The following UGGT2 variants were observed in gnomAD, a reference collection of about 807,000 sequenced individuals.
UGGT2 encodes UDP-glucose:glycoprotein glucosyltransferase 2.
In UGGT2, 180 loss-of-function variants were observed where a neutral mutation model predicts 192.1. The observed-to-expected ratio is 0.94, with a 90% CI of 0.83 to 1.06. UGGT2 has a LOEUF of 1.06. Among genes scored for constraint, UGGT2 ranks in the 50% least tolerant of loss-of-function variants. UGGT2 has a pLI of 0.00. For synonymous variants in UGGT2, 580 were observed against 591.0 expected, an observed-to-expected ratio of 0.98 and a Z score of 0.27; for missense variants, 1,849 against 1,795.7, an observed-to-expected ratio of 1.03 and a Z score of -0.54.
At chr13:95,936,171 A>C (rs2049456540) in intron 17 of UGGT2, among the ~76,000 whole-genome samples, 4 of 152,240 alleles carry the variant, frequency 2.6e-5, no homozygotes. Flanking sequence ...TTAGGTCAAA[A>C]GACTGGTTTT....
intron 16 of UGGT2, 63 bp from the exon 17 acceptor site, chr13:95,937,151 G>C: frequency 2.7e-6 from 4 of 1,498,758 alleles, no homozygotes; most frequent in South Asian, 1.3e-5. Flanking sequence ...ATAAACATAA[G>C]AAAATGGAAC....
intron 9 of UGGT2, chr13:95,985,245 A>G (rs1433906311): frequency 7.3e-6 from 9 of 1,233,034 alleles, no homozygotes; most frequent in South Asian, 1.3e-5. Context: ...ACACCCATAT[A>G]TATTTCATGT....
chr13:96,024,618 G>A (rs999143927), intron 2 of UGGT2, among the ~76,000 whole-genome samples: 1 of 152,180 alleles, frequency 6.6e-6, no homozygotes, highest in African/African-American at 2.4e-5. Flanking sequence ...GGCAGCTCTG[G>A]AGTCCATTTG....
chr13:95,865,904 T>C (rs1350957348), intron 30 of UGGT2, among the ~76,000 whole-genome samples: 1 of 152,226 alleles, frequency 6.6e-6, no homozygotes, highest in Non-Finnish European at 1.5e-5. Context: ...TATTCTATTG[T>C]TAACCCCATT....
chr13:95,914,861 G>T (rs552881848), intron 20 of UGGT2, among the ~76,000 whole-genome samples: 42 of 152,124 alleles, frequency 2.8e-4, no homozygotes, highest in African/African-American at 9.4e-4. Flanking sequence ...TAAAAATTAT[G>T]AAGAAATTTT....
intron 36 of UGGT2, among the ~76,000 whole-genome samples, chr13:95,839,310 C>T (rs1440904654): frequency 6.6e-6 from 1 of 152,188 alleles, no homozygotes; most frequent in African/African-American, 2.4e-5. Context: ...ATATCCTTCC[C>T]TAACCTCCAT....
At chr13:95,823,323 G>T (rs1157562864) in intron 38 of UGGT2, among the ~76,000 whole-genome samples, 1 of 151,994 alleles carries the variant, frequency 6.6e-6, no homozygotes, top group African/African-American at 2.4e-5. Context: ...TCCACTGTTT[G>T]TTGGCTTTCT....
At chr13:95,807,855 C>A (rs1884397099) in intron 38 of UGGT2, among the ~76,000 whole-genome samples, 1 of 151,826 alleles carries the variant, frequency 6.6e-6, no homozygotes. Flanking sequence ...GGCTTGATAA[C>A]TTTCATGGCT....
chr13:95,853,607 T>C lies in UGGT2; in HGVS notation c.4220A>G (p.Asp1407Gly), dbSNP rs556590476. 2 of 1,598,714 alleles carry C rather than the reference T, an allele frequency of 1.3e-6. No homozygotes were observed. The highest frequency in any genetic ancestry group is 1.4e-5 in the African/African-American group (1 of 73,906). The change falls in exon 36 of 39, where the codon GAC becomes GGC. Residue 1407 changes from aspartate (D) to glycine (G), a missense_variant. By Grantham distance (94) the Asp-to-Gly change is moderately conservative. Transcript: ENST00000376747. ...AGCTTGATACTGGCTCCTGAGCCTG[T>C]CACCTGCTCCAATTCTCCTGAACTT... ...LKKFRRIGAG[D>G]RLRSQYQALS...
chr13:95,868,451 A>G (rs1341752795), intron 29 of UGGT2, among the ~76,000 whole-genome samples: 1 of 152,068 alleles, frequency 6.6e-6, no homozygotes, highest in African/African-American at 2.4e-5. Context: ...TTTTTAAATT[A>G]GCTGGATGTG....
At chr13:95,849,158 C>T (rs1888763042) in intron 36 of UGGT2, among the ~76,000 whole-genome samples, 1 of 152,016 alleles carries the variant, frequency 6.6e-6, no homozygotes, top group South Asian at 2.1e-4. Flanking sequence ...AAGATCCCTA[C>T]ACAAATGATA....
intron 15 of UGGT2, among the ~76,000 whole-genome samples, chr13:95,941,659 A>T (rs975117621): frequency 6.6e-6 from 1 of 152,240 alleles, no homozygotes; most frequent in Admixed American, 6.5e-5. Flanking sequence ...AATGCCTCAC[A>T]TAAGTTACTC....
chr13:95,902,483 A>G (rs1438326666), intron 21 of UGGT2, among the ~76,000 whole-genome samples: 3 of 152,070 alleles, frequency 2.0e-5, no homozygotes, highest in African/African-American at 7.2e-5. Context: ...TATTTTTTGA[A>G]TGAATAATGA....
chr13:95,870,117 C>T (rs1390005667), intron 29 of UGGT2, among the ~76,000 whole-genome samples: 7 of 152,048 alleles, frequency 4.6e-5, no homozygotes, highest in Non-Finnish European at 8.8e-5. Flanking sequence ...ATAATTCATA[C>T]GGAACTGCAA....
intron 20 of UGGT2, among the ~76,000 whole-genome samples, chr13:95,922,929 T>C (rs2048893959): frequency 6.6e-6 from 1 of 152,226 alleles, no homozygotes; most frequent in Non-Finnish European, 1.5e-5. Flanking sequence ...AAATCAAGAC[T>C]TTCAACACTG....
At chr13:95,832,762 T>G in intron 38 of UGGT2, 165 bp downstream of exon 38, 1 of 995,632 alleles carries the variant, frequency 1.0e-6, no homozygotes, top group Non-Finnish European at 1.5e-6. Context: ...TGTTTTAAAC[T>G]TGTAAGCTTA....
chr13:95,830,474 A>G (rs939529062), intron 38 of UGGT2, among the ~76,000 whole-genome samples: 10 of 152,186 alleles, frequency 6.6e-5, no homozygotes, highest in Admixed American at 1.3e-4. Context: ...GGTGAAGGAT[A>G]TGAAGACACT....
At position 96,053,293 on chromosome 13, in the gene UGGT2, G is replaced by C. The variant is rs758253087; in HGVS notation, c.20C>G (p.Thr7Arg). Residue 7 changes from threonine to arginine, a missense_variant, in exon 1 of 39, where the codon ACG (threonine) becomes AGG (arginine). By Grantham distance (71) the Thr-to-Arg change is moderately conservative (BLOSUM62 -1). Coordinates refer to ENST00000376747, the MANE Select transcript of UGGT2 (RefSeq NM_020121.4). The stretch of plus-strand genomic sequence containing the variant: ...GCCTAGTAGCAGCCGCACCACGTTC[G>C]TGGCTTTCGCTGGCGCCATGGCACG... The part of the protein sequence containing the change: MAPAKA[T>R]NVVRLLLGST... 7 of 1,578,780 alleles carry C rather than the reference G, an allele frequency of 4.4e-6. No homozygotes were observed. Among genetic ancestry groups the C allele is most frequent in the South Asian group, 1.1e-5 (1 of 87,330 alleles).
intron 12 of UGGT2, among the ~76,000 whole-genome samples, chr13:95,951,198 G>A (rs2050050085): frequency 6.6e-6 from 1 of 151,268 alleles, no homozygotes; most frequent in African/African-American, 2.4e-5. Context: ...AATAAAGGAA[G>A]GCATGAAGAC....
Sources: allele counts gnomAD v4.1 joint callset (sites outside exome capture counted in the v4.1 genomes callset), GRCh38; gene constraint gnomAD v4.1.1; transcripts MANE v1.5; gene names NCBI Gene and HGNC (gene_info 2026-07-23, HGNC 2026-07-21).